The following MKLN1 variants were observed in gnomAD, a reference collection of about 807,000 sequenced individuals.
The protein encoded by MKLN1 is muskelin.
MKLN1 carries 18 observed loss-of-function variants against 99.0 expected under a neutral mutation model. The ratio of observed to expected loss-of-function variants is 0.18; its 90% CI spans 0.13 to 0.27. MKLN1 has a LOEUF of 0.27. Among genes scored for constraint, MKLN1 ranks in the 10% least tolerant of loss-of-function variants. The pLI is 1.00. For synonymous variants in MKLN1, 288 were observed against 293.2 expected (o/e 0.98, Z 0.18); for missense variants, 621 against 875.9 (o/e 0.71, Z 3.67).
chr7:131,464,501 G>A (rs936625443), intron 14 of MKLN1, 93 bp downstream of exon 14: 4 of 691,128 alleles, frequency 5.8e-6, no homozygotes, highest in South Asian at 2.5e-5. Flanking sequence ...TTGGATTTGA[G>A]TAAAAAGTTA....
chr7:131,351,746 C>A (rs1300509127), intron 1 of MKLN1, among the ~76,000 whole-genome samples: 1 of 152,126 alleles, frequency 6.6e-6, no homozygotes, highest in Non-Finnish European at 1.5e-5. Flanking sequence ...AAAGACCACT[C>A]CCTAGGTGGT....
intron 17 of MKLN1, 86 bp downstream of exon 17, chr7:131,478,763 T>G: frequency 2.1e-6 from 3 of 1,416,768 alleles, no homozygotes; most frequent in Non-Finnish European, 3.0e-6. Context: ...AAACATCAGG[T>G]GAGATGTTTC....
chr7:131,237,301 A>G (rs1045216588), intron 3 of MKLN1, among the ~76,000 whole-genome samples: 2 of 152,202 alleles, frequency 1.3e-5, no homozygotes, highest in African/African-American at 4.8e-5. Context: ...GAGATTTTAC[A>G]TCAAAGTACA....
intron 3 of MKLN1, among the ~76,000 whole-genome samples, chr7:131,210,400 C>T (rs540751250): frequency 1.0e-3 from 156 of 151,864 alleles, no homozygotes; most frequent in Middle Eastern, 3.4e-3. Flanking sequence ...GGCGTGGCAG[C>T]GTGCACCTGT....
intron 1 of MKLN1, among the ~76,000 whole-genome samples, chr7:131,126,710 T>A (rs1348496433): frequency 6.6e-6 from 1 of 152,164 alleles, no homozygotes; most frequent in Non-Finnish European, 1.5e-5. Flanking sequence ...CGTGCCACTG[T>A]GCCTGGCTAA....
chr7:131,326,904 A>G (rs1798902958), upstream of MKLN1: 1 of 152,246 alleles, frequency 6.6e-6, no homozygotes, highest in African/African-American at 2.4e-5. Flanking sequence ...CTCTTAGACA[A>G]TAAGCGACAT....
At chr7:131,371,724 C>T (rs1793469383) in intron 1 of MKLN1, among the ~76,000 whole-genome samples, 1 of 151,422 alleles carries the variant, frequency 6.6e-6, no homozygotes. Context: ...TATTCTTTAC[C>T]ACTACTTACC....
intron 3 of MKLN1, among the ~76,000 whole-genome samples, chr7:131,268,632 T>G (rs2116552050): frequency 6.6e-6 from 1 of 152,288 alleles, no homozygotes; most frequent in Non-Finnish European, 1.5e-5. Context: ...ACAGGAGGAC[T>G]GTTATGGGCC....
At chr7:131,203,945 G>A (rs959737602) in intron 3 of MKLN1, among the ~76,000 whole-genome samples, 3 of 152,156 alleles carry the variant, frequency 2.0e-5, no homozygotes, top group Admixed American at 6.6e-5. Flanking sequence ...GAAGAACACT[G>A]AAAAACTATC....
chr7:131,372,131 C>A (rs1229802625), intron 1 of MKLN1, among the ~76,000 whole-genome samples: 3 of 151,862 alleles, frequency 2.0e-5, no homozygotes, highest in African/African-American at 7.2e-5. Context: ...CATTCCCCTC[C>A]CCATATTTAT....
chr7:131,149,646 A>T (rs1795861177), intron 2 of MKLN1, among the ~76,000 whole-genome samples: 2 of 152,234 alleles, frequency 1.3e-5, no homozygotes, highest in Admixed American at 1.3e-4. Flanking sequence ...TAAAAACCAC[A>T]TTCCAAACAA....
rs992924763 is a variant in MKLN1, at chr7:131,496,037, T to A, written c.*8309T>A. The A allele has an allele frequency of 1.3e-5, 2 of 150,958 alleles. No homozygotes were observed. The highest frequency in any genetic ancestry group is 4.9e-5 in the African/African-American group (2 of 40,420). 9.4% of individuals were successfully genotyped at this position (150,958 alleles called of 1,614,324 possible). A position where few individuals can be genotyped will look rare whatever the true frequency, so the allele number is the denominator to read the frequency against. ...AAGCAAGGAGTCCATAAAACAAGAG[T>A]TCTTTACCACGTTTAAGCAAATGTC... On this transcript the variant is annotated 3_prime_UTR_variant, in exon 18 of 18. Coordinates refer to ENST00000352689, the MANE Select transcript of MKLN1 (RefSeq NM_013255.5).
At chr7:131,441,965 A>C (rs1176705711) in intron 10 of MKLN1, among the ~76,000 whole-genome samples, 2 of 152,220 alleles carry the variant, frequency 1.3e-5, no homozygotes, top group Non-Finnish European at 2.9e-5. Context: ...GCTCCAGTGG[A>C]GCCCTCAACG....
chr7:131,116,927 T>C (rs906673523), intron 1 of MKLN1, among the ~76,000 whole-genome samples: 8 of 152,072 alleles, frequency 5.3e-5, no homozygotes, highest in Non-Finnish European at 1.0e-4. Context: ...GGGTATCACG[T>C]CTATGGAGGG....
intron 6 of MKLN1, among the ~76,000 whole-genome samples, chr7:131,409,061 ACTT>A (rs1214543716): frequency 3.9e-5 from 6 of 152,176 alleles, no homozygotes; most frequent in African/African-American, 1.2e-4. Flanking sequence ...CAACTGCCTG[ACTT>A]CTTCTTTAAA....
chr7:131,428,087 C>T (rs1795411183), intron 8 of MKLN1, among the ~76,000 whole-genome samples: 1 of 152,006 alleles, frequency 6.6e-6, no homozygotes, highest in Non-Finnish European at 1.5e-5. Context: ...GGAGGGATTG[C>T]TTGAACCCAG....
chr7:131,444,472 T>G (rs1203231459), intron 11 of MKLN1, among the ~76,000 whole-genome samples: 1 of 151,884 alleles, frequency 6.6e-6, no homozygotes, highest in Non-Finnish European at 1.5e-5. Context: ...CCCCACAACA[T>G]ATTTATGTAT....
chr7:131,156,135 G>A (rs1563233915), intron 2 of MKLN1, among the ~76,000 whole-genome samples: 1 of 152,080 alleles, frequency 6.6e-6, no homozygotes, highest in African/African-American at 2.4e-5. Flanking sequence ...AGTCATTGCG[G>A]GTTTTGCTAT....
At position 131,311,250 on chromosome 7, in the gene MKLN1, A is replaced by AT. The variant is rs1798558948; in HGVS notation, c.-178-64173dup. 2.6e-5 allele frequency: 4 copies of AT among 152,314 alleles called. No homozygotes were observed. The South Asian group carries it at 8.3e-4, about 32-fold the overall frequency. 9.4% of individuals were successfully genotyped at this position (152,314 alleles called of 1,614,324 possible). ...TTGAAGAAAAAGCAAATTTTGAATT[A>AT]TAGACAATTGTAACTGCTTTATGAG... On this transcript the variant is annotated intron_variant, in intron 3 of 7. Transcript: ENST00000416992.
Sources: allele counts gnomAD v4.1 joint callset (sites outside exome capture counted in the v4.1 genomes callset), GRCh38; gene constraint gnomAD v4.1.1; transcripts MANE v1.5; gene names NCBI Gene and HGNC (gene_info 2026-07-23, HGNC 2026-07-21).